DYNC1I2: variants seen among roughly 807,000 people sequenced by gnomAD.
DYNC1I2 encodes dynein cytoplasmic 1 intermediate chain 2.
A neutral mutation model predicts 88.6 loss-of-function variants in DYNC1I2; 53 were observed. The observed-to-expected ratio is 0.60, with a 90% CI of 0.48 to 0.75. The LOEUF (loss-of-function observed/expected upper bound fraction) is 0.75, where lower values mean the gene tolerates loss of function less well. DYNC1I2 is among the 30% of genes least tolerant of loss of function. The probability of loss-of-function intolerance (pLI) is 0.00; values close to 1 mark genes in which losing one functional copy is unlikely to be tolerated. For synonymous variants in DYNC1I2, 198 were observed against 254.6 expected, an observed-to-expected ratio of 0.78 and a Z score of 2.12; for missense variants, 458 against 766.6, an observed-to-expected ratio of 0.60 and a Z score of 4.75.
chr2:171,714,450 T>C (rs770923880), intron 6 of DYNC1I2, among the ~76,000 whole-genome samples: 3 of 152,176 alleles, frequency 2.0e-5, no homozygotes, highest in African/African-American at 4.8e-5. Context: ...CTTTATTGTA[T>C]ATCCTTTTAA....
chr2:171,734,791 A>C (rs1285945837), intron 15 of DYNC1I2, among the ~76,000 whole-genome samples: 1 of 152,158 alleles, frequency 6.6e-6, no homozygotes, highest in East Asian at 1.9e-4. Flanking sequence ...TTCCTGGTTA[A>C]TTGTGTTGCT....
chr2:171,700,899 G>T (rs1334656185), intron 3 of DYNC1I2, among the ~76,000 whole-genome samples: 1 of 152,128 alleles, frequency 6.6e-6, no homozygotes, highest in Non-Finnish European at 1.5e-5. Flanking sequence ...CCAAAGTGCT[G>T]GGATTACAGG....
intron 6 of DYNC1I2, 74 bp from the exon 7 acceptor site, chr2:171,715,251 CTGT>C: frequency 1.2e-6 from 1 of 848,268 alleles, no homozygotes; most frequent in East Asian, 2.7e-5. Flanking sequence ...GTGCAAATGA[CTGT>C]TTAATTCTTA....
rs1329890260 is a variant in DYNC1I2 at position 171,744,079 on chromosome 2, A to C, written c.1567A>C (p.Asn523His). Residue 523 changes from asparagine (N) to histidine (H), a missense_variant, in exon 16 of 18, where the codon AAT becomes CAT. Around this residue, in one of 5 missense-constraint regions of DYNC1I2, gnomAD observed 188 missense variants for 300.4 expected, o/e 0.63. Coordinates refer to ENST00000397119, the MANE Select transcript of DYNC1I2 (RefSeq NM_001378.3). ...CAAGCCTTTGTATTCATTTGAAGATAATGCAGACTATGTTTATGATGTTAT... is the reference window on the plus strand; with the variant it reads ...CAAGCCTTTGTATTCATTTGAAGATCATGCAGACTATGTTTATGATGTTAT... ...NNKPLYSFED[N>H]ADYVYDVMWS... The C allele has an allele frequency of 6.2e-6, 10 of 1,612,420 alleles. No homozygotes were observed. The highest frequency in any genetic ancestry group is 8.5e-6 in the Non-Finnish European group (10 of 1,179,554).
intron 15 of DYNC1I2, among the ~76,000 whole-genome samples, chr2:171,733,463 T>TTTA (rs1688771616): frequency 1.0e-5 from 1 of 100,236 alleles, no homozygotes; most frequent in Non-Finnish European, 2.2e-5. Context: ...CAGCATCTTT[T>TTTA]TTTTTTTTTT....
intron 7 of DYNC1I2, among the ~76,000 whole-genome samples, chr2:171,722,924 C>CT (rs1487660889): frequency 6.6e-6 from 1 of 152,046 alleles, no homozygotes; most frequent in Non-Finnish European, 1.5e-5. Flanking sequence ...AAATAAAACC[C>CT]TGAGAGCATG....
At position 171,727,843 on chromosome 2, in the gene DYNC1I2, T is replaced by A. The variant is rs768414877; in HGVS notation, c.1019T>A (p.Phe340Tyr). The change falls in exon 12 of 18, where the codon TTT becomes TAT. Residue 340 changes from phenylalanine (F) to tyrosine (Y), a missense_variant. Phe to Tyr is a conservative substitution (Grantham distance 22). Around this residue, in one of 5 missense-constraint regions of DYNC1I2, gnomAD observed 203 missense variants for 354.2 expected, o/e 0.57. Transcript: ENST00000397119. ...CAGTCAGCTGTGATGTCTGCCACAT[T>A]TGCAAAATTTCATCCAAATCTTGTT... ...HCQSAVMSAT[F>Y]AKFHPNLVVG... 3.1e-6 allele frequency: 5 copies of A among 1,613,066 alleles called. No homozygotes were observed. The Admixed American group carries it at 8.3e-5, about 27-fold the overall frequency.
rs974990166 is a variant in DYNC1I2 at position 171,690,105 on chromosome 2, A to G, written c.-9-42A>G. On this transcript the variant is annotated intron_variant, in intron 1 of 17. Transcript: ENST00000397119. ...TCTTCTTGGAACACTAGTTTTTTCA[A>G]CTGTGCTGCTTTTACTAACATAATG... is the stretch of plus-strand genomic sequence containing the variant. The G allele has an allele frequency of 5.4e-6, 7 of 1,305,440 alleles. No individual in the cohort carries two copies. In the Admixed American group the frequency reaches 7.5e-5, roughly 14 times the overall value. 80.9% of individuals were successfully genotyped at this position (1,305,440 alleles called of 1,614,324 possible).
chr2:171,722,978 AT>A lies in DYNC1I2; in HGVS notation c.512-2637del, dbSNP rs527471705. 6.1e-4 allele frequency among the ~76,000 whole-genome samples: 93 copies of A among 152,336 alleles called. 1 individual carries two copies. Among genetic ancestry groups the A allele is most frequent in the African/African-American group, 2.0e-3 (83 of 41,584 alleles). ...TCATGATTCAGCTACAACTGAAATA[AT>A]TTATATGGACAAATAGGCATGGCAA... On this transcript the variant is annotated intron_variant, in intron 7 of 17. Coordinates refer to ENST00000397119, the MANE Select transcript of DYNC1I2 (RefSeq NM_001378.3).
At chr2:171,731,035 T>C (rs571621772) in intron 15 of DYNC1I2, among the ~76,000 whole-genome samples, 7 of 152,240 alleles carry the variant, frequency 4.6e-5, no homozygotes, top group Non-Finnish European at 7.3e-5. Flanking sequence ...AGTGTTTACC[T>C]GAACTCTAAT....
At position 171,715,450 on chromosome 2, in the gene DYNC1I2, A is replaced by T. The variant is rs982485220; in HGVS notation, c.511+7A>T. 14 of 1,512,970 alleles carry T rather than the reference A, an allele frequency of 9.3e-6. No homozygotes were observed. Among genetic ancestry groups the T allele is most frequent in the Non-Finnish European group, 1.2e-5 (13 of 1,108,824 alleles). The allele number at this position is 1,512,970 out of a possible 1,614,324, so 93.7% of individuals were successfully genotyped here. On this transcript the variant is annotated splice_region_variant and intron_variant, in intron 7 of 17. Transcript: ENST00000397119. Reference sequence around the variant, plus strand: ...ATGGCTCAACCCAAAGAAGGTGAATATCTATCCTTAGTATAATTGTCATTG... The same window carrying T: ...ATGGCTCAACCCAAAGAAGGTGAATTTCTATCCTTAGTATAATTGTCATTG...
chr2:171,710,509 C>T (rs1326655596), intron 5 of DYNC1I2, among the ~76,000 whole-genome samples: 1 of 152,088 alleles, frequency 6.6e-6, no homozygotes, highest in African/African-American at 2.4e-5. Context: ...GCTGTCTAAA[C>T]ATGTTTGAAT....
intron 7 of DYNC1I2, among the ~76,000 whole-genome samples, chr2:171,718,463 TC>T (rs1687669632): frequency 6.6e-6 from 1 of 151,606 alleles, no homozygotes; most frequent in Non-Finnish European, 1.5e-5. Context: ...AGACAGAGTC[TC>T]GCTCTGTGGC....
intron 16 of DYNC1I2, among the ~76,000 whole-genome samples, chr2:171,745,440 C>A (rs1689714151): frequency 6.6e-6 from 1 of 152,140 alleles, no homozygotes; most frequent in Non-Finnish European, 1.5e-5. Flanking sequence ...CTTATGAGGG[C>A]TTTTGAAGTG....
intron 3 of DYNC1I2, among the ~76,000 whole-genome samples, chr2:171,700,654 C>G (rs1686181686): frequency 6.6e-6 from 1 of 151,726 alleles, no homozygotes; most frequent in Non-Finnish European, 1.5e-5. Context: ...TTTTTTGAGA[C>G]AGAGTCTTGC....
intron 15 of DYNC1I2, among the ~76,000 whole-genome samples, chr2:171,740,031 T>C (rs1167845659): frequency 1.3e-5 from 2 of 152,108 alleles, no homozygotes; most frequent in African/African-American, 4.8e-5. Context: ...ACCTTTTAAG[T>C]TCCTCTTTAA....
intron 5 of DYNC1I2, among the ~76,000 whole-genome samples, chr2:171,710,106 C>T: frequency 7.2e-6 from 1 of 139,064 alleles, no homozygotes; most frequent in South Asian, 2.5e-4. Flanking sequence ...TGAGTATATT[C>T]ATTTTTATGT....
chr2:171,710,349 G>C (rs138941312), intron 5 of DYNC1I2, among the ~76,000 whole-genome samples: 2,832 of 152,222 alleles, frequency 0.019, 56 homozygotes, highest in Admixed American at 0.067. Flanking sequence ...GTTAATGTAA[G>C]AATAAAGACA....
chr2:171,714,480 AC>A (rs1392489909), intron 6 of DYNC1I2, among the ~76,000 whole-genome samples: 1 of 152,138 alleles, frequency 6.6e-6, no homozygotes, highest in Non-Finnish European at 1.5e-5. Context: ...ATCACTGAGA[AC>A]TTTTTTGGGA....
Sources: allele counts gnomAD v4.1 joint callset (sites outside exome capture counted in the v4.1 genomes callset), GRCh38; gene constraint gnomAD v4.1.1; regional missense constraint gnomAD v4.1.1; transcripts MANE v1.5; gene names NCBI Gene and HGNC (gene_info 2026-07-23, HGNC 2026-07-21).